ICE1: variants seen among roughly 807,000 people sequenced by gnomAD.
The protein encoded by ICE1 is little elongation complex subunit 1.
In ICE1, 64 loss-of-function variants were observed where a neutral mutation model predicts 192.7. The ratio of observed to expected loss-of-function variants is 0.33; its 90% CI spans 0.27 to 0.41. The LOEUF is 0.41. Ranked by LOEUF, ICE1 falls within the 10% of genes least tolerant of loss-of-function variation. ICE1 has a pLI of 1.00. For missense variants in ICE1, 2,708 were observed against 2,696.0 expected (o/e 1.00, Z -0.10); for synonymous variants, 1,010 against 984.5 (o/e 1.03, Z -0.49).
rs72646685 is a variant in ICE1 at position 5,473,509 on chromosome 5, C to T, written c.6223-49C>T. On this transcript the variant is annotated intron_variant, in intron 15 of 18. Transcript: ENST00000296564. The stretch of plus-strand genomic sequence containing the variant: ...TCTTTTAGATAACTAAGGTAAGATG[C>T]ATTCTATTTGAAACTCCAGATTTTA... 13,224 of 1,470,826 alleles carry T rather than the reference C, an allele frequency of 9.0e-3. 80 individuals carry two copies. The highest frequency in any genetic ancestry group is 0.011 in the Non-Finnish European group (11,582 of 1,076,076). 91.1% of individuals were successfully genotyped at this position (1,470,826 alleles called of 1,614,324 possible).
chr5:5,484,718 A>T (rs1739591836), intron 17 of ICE1, among the ~76,000 whole-genome samples: 1 of 152,224 alleles, frequency 6.6e-6, no homozygotes, highest in Non-Finnish European at 1.5e-5. Flanking sequence ...TGTAGAGGAT[A>T]CAAAGTAATG....
In ICE1 at chr5:5,464,912, A is replaced by G; in HGVS notation, c.5578A>G (p.Arg1860Gly). ...CACTGGGTCCCCAGAACCAGAAACC[A>G]GGGGAGTCACTGCAGAAGGAATCCA... ...LDTGSPEPETRGVTAEGIHKN... is the reference protein window; with the variant it reads ...LDTGSPEPETGGVTAEGIHKN... The change falls in exon 13 of 19, where the codon AGG (arginine) becomes GGG (glycine). Residue 1860 changes from arginine (R) to glycine (G), a missense_variant. Arg to Gly is a moderately radical substitution (Grantham distance 125). Coordinates refer to ENST00000296564, the MANE Select transcript of ICE1 (RefSeq NM_015325.3). This position sits in a 1 kb window ranked among gnomAD's most constrained non-coding sequence, Gnocchi z 4.0. The G allele has an allele frequency of 1.2e-6, 2 of 1,613,490 alleles. No homozygotes were observed. The highest frequency in any genetic ancestry group is 1.1e-5 in the South Asian group (1 of 90,978).
intron 10 of ICE1, among the ~76,000 whole-genome samples, chr5:5,453,462 C>A (rs1289968120): frequency 1.3e-5 from 2 of 152,014 alleles, no homozygotes; most frequent in Non-Finnish European, 2.9e-5. Flanking sequence ...TCTGTGATTC[C>A]CTGAGACATT....
chr5:5,486,884 T>G (rs1362907928), intron 18 of ICE1, 65 bp downstream of exon 18: 4 of 1,207,908 alleles, frequency 3.3e-6, no homozygotes, highest in Non-Finnish European at 3.6e-6. Context: ...AAACCTTTTT[T>G]GGGGTCCTTG....
intron 2 of ICE1, among the ~76,000 whole-genome samples, chr5:5,436,687 G>A (rs770644097): frequency 3.3e-5 from 5 of 152,176 alleles, no homozygotes; most frequent in Non-Finnish European, 7.3e-5. Flanking sequence ...TCGTGGGTTA[G>A]TAGGAAGTTG....
At chr5:5,470,820 C>T (rs754412665) in intron 15 of ICE1, among the ~76,000 whole-genome samples, 30 of 152,112 alleles carry the variant, frequency 2.0e-4, no homozygotes, top group Non-Finnish European at 3.2e-4. Flanking sequence ...CATTCTTAGA[C>T]AATCTGGGAA....
At chr5:5,433,881 C>T (rs905362301) in intron 1 of ICE1, among the ~76,000 whole-genome samples, 6 of 151,746 alleles carry the variant, frequency 4.0e-5, no homozygotes, top group Non-Finnish European at 8.8e-5. Context: ...AAGGGAAAGG[C>T]ATCCTAGTAA....
Position 5,461,157 on chromosome 5 carries a change from C to G in ICE1, c.1823C>G (p.Pro608Arg). The G allele has an allele frequency of 1.2e-6, 2 of 1,614,004 alleles. No individual in the cohort carries two copies. Among genetic ancestry groups the G allele is most frequent in the Non-Finnish European group, 1.7e-6 (2 of 1,179,886 alleles). ...DTQGFTLGESPESEDDDSGDG... is the reference protein window; with the variant it reads ...DTQGFTLGESRESEDDDSGDG... ...CAAGGGTTCACTTTAGGAGAATCACCTGAATCAGAAGATGATGACTCAGGT... is the reference window on the plus strand; with the variant it reads ...CAAGGGTTCACTTTAGGAGAATCACGTGAATCAGAAGATGATGACTCAGGT... The change falls in exon 13 of 19, where the codon CCT becomes CGT. Residue 608 changes from proline (P) to arginine (R), a missense_variant. Around this residue, in one of 2 missense-constraint regions of ICE1, gnomAD observed 2,366 missense variants for 2,276.6 expected, o/e 1.04. Transcript: ENST00000296564.
In ICE1 at chr5:5,462,758, G is replaced by A. The variant is rs755510123; in HGVS notation, c.3424G>A (p.Glu1142Lys). 13 of 1,613,700 alleles carry A rather than the reference G, an allele frequency of 8.1e-6. No individual in the cohort carries two copies. Among genetic ancestry groups the A allele is most frequent in the South Asian group, 2.2e-5 (2 of 91,036 alleles). Residue 1142 changes from glutamate (E) to lysine (K), a missense_variant, in exon 13 of 19, where the codon GAG becomes AAG. Glu to Lys is a moderately conservative substitution (Grantham distance 56, BLOSUM62 1). Around this residue, in one of 2 missense-constraint regions of ICE1, gnomAD observed 2,366 missense variants for 2,276.6 expected, o/e 1.04. Coordinates refer to ENST00000296564, the MANE Select transcript of ICE1 (RefSeq NM_015325.3). Reference protein sequence around the residue: ...NLGDTDAAVAEVRPSLEVGYL... With the variant: ...NLGDTDAAVAKVRPSLEVGYL... ...AGGAGACACAGATGCTGCTGTAGCC[G>A]AGGTGAGACCTTCCTTAGAGGTAGG...
chr5:5,460,585 G>A lies in ICE1; in HGVS notation c.1251G>A (p.Glu417=). The part of the protein sequence containing the change: ...LRKNKGSGTW[E]EKPKSHEAIQ... ...AAAATAAAGGAAGTGGCACATGGGA[G>A]GAAAAGCCCAAATCACATGAAGCTA... Residue 417 remains glutamate, a synonymous_variant, in exon 13 of 19, where the codon GAG becomes GAA. Transcript: ENST00000296564. The A allele has an allele frequency of 6.2e-7, 1 of 1,613,128 alleles. No homozygotes were observed. The highest frequency in any genetic ancestry group is 1.3e-5 in the African/African-American group (1 of 75,020).
intron 5 of ICE1, among the ~76,000 whole-genome samples, chr5:5,442,039 G>T (rs573789690): frequency 6.6e-6 from 1 of 152,188 alleles, no homozygotes; most frequent in Non-Finnish European, 1.5e-5. Flanking sequence ...ATGAAAATAC[G>T]TATGTCTTTT....
At chr5:5,474,018 G>T (rs909464285) in intron 16 of ICE1, among the ~76,000 whole-genome samples, 21 of 152,012 alleles carry the variant, frequency 1.4e-4, no homozygotes, top group Non-Finnish European at 2.8e-4. Context: ...AGACCACCCT[G>T]GCTAACATGA....
In ICE1 at chr5:5,464,208, G is replaced by A. The variant is rs769218768; in HGVS notation, c.4874G>A (p.Arg1625Gln). The A allele has an allele frequency of 9.9e-6, 16 of 1,613,258 alleles. No individual in the cohort carries two copies. Among genetic ancestry groups the A allele is most frequent in the African/African-American group, 9.4e-5 (7 of 74,756 alleles). Reference protein sequence around the residue: ...DCSPDTLSKIRQEVGPPLPPL... With the variant: ...DCSPDTLSKIQQEVGPPLPPL... ...TCTCCTGACACACTGAGTAAAATAC[G>A]GCAAGAGGTGGGGCCTCCTTTGCCG... is the stretch of plus-strand genomic sequence containing the variant. The change falls in exon 13 of 19, where the codon CGG becomes CAG. Residue 1625 changes from arginine to glutamine, a missense_variant. Physicochemically the swap from Arg to Gln is conservative, Grantham distance 43. Around this residue, in one of 2 missense-constraint regions of ICE1, gnomAD observed 2,366 missense variants for 2,276.6 expected, o/e 1.04. Coordinates refer to ENST00000296564, the MANE Select transcript of ICE1 (RefSeq NM_015325.3). The surrounding 1 kb of genome is among the most constrained non-coding windows in gnomAD (Gnocchi z 4.0).
rs1738100023 is a variant in ICE1 at position 5,443,156 on chromosome 5, C to CT, written c.310-5dup. ...CATTTTGACAATATCTGTTTTTTTT[C>CT]TTTTTTTAAAGAGTTCTTTAAAGTT... is the stretch of plus-strand genomic sequence containing the variant. On this transcript the variant is annotated splice_polypyrimidine_tract_variant and intron_variant, in intron 5 of 18. Coordinates refer to ENST00000296564, the MANE Select transcript of ICE1 (RefSeq NM_015325.3). The CT allele has an allele frequency of 3.5e-6, 5 of 1,414,564 alleles. No individual in the cohort carries two copies. The highest frequency in any genetic ancestry group is 4.8e-6 in the Non-Finnish European group (5 of 1,048,146). 87.6% of individuals were successfully genotyped at this position (1,414,564 alleles called of 1,614,324 possible).
At chr5:5,436,911 A>G (rs985164502) in intron 2 of ICE1, among the ~76,000 whole-genome samples, 169 bp from the exon 3 acceptor site, 1 of 152,194 alleles carries the variant, frequency 6.6e-6, no homozygotes, top group African/African-American at 2.4e-5. Flanking sequence ...TTGTATATCA[A>G]CGTGATGCTT....
At chr5:5,459,037 T>C (rs1408430097) in intron 12 of ICE1, among the ~76,000 whole-genome samples, 1 of 152,106 alleles carries the variant, frequency 6.6e-6, no homozygotes. Context: ...CATGCCTGGC[T>C]AATTTTTTTG....
chr5:5,461,620 A>C lies in ICE1; in HGVS notation c.2286A>C (p.Thr762=). Residue 762 remains threonine, a synonymous_variant, in exon 13 of 19, where the codon ACA becomes ACC. Coordinates refer to ENST00000296564, the MANE Select transcript of ICE1 (RefSeq NM_015325.3). ...GTCAAGATCCAAGAATTGAGCTCAC[A>C]CTAAATAAGCCAGATTTCACATCAT... ...CESQDPRIEL[T]LNKPDFTSLI... The C allele has an allele frequency of 6.2e-7, 1 of 1,613,530 alleles. No homozygotes were observed. The highest frequency in any genetic ancestry group is 8.5e-7 in the Non-Finnish European group (1 of 1,179,688).
At position 5,489,145 on chromosome 5, in the gene ICE1, T is replaced by C. The variant is rs74824730; in HGVS notation, c.6620-4T>C. ...TTTATGACTGATCTGAAATTTCTTT[T>C]CAGATATACCATGGGGTATACAGTT... is the stretch of plus-strand genomic sequence containing the variant. On this transcript the variant is annotated splice_polypyrimidine_tract_variant and splice_region_variant and intron_variant, in intron 18 of 18. Coordinates refer to ENST00000296564, the MANE Select transcript of ICE1 (RefSeq NM_015325.3). 1 of 1,608,098 alleles carries C rather than the reference T, an allele frequency of 6.2e-7. No homozygotes were observed. Among genetic ancestry groups the C allele is most frequent in the East Asian group, 2.2e-5 (1 of 44,802 alleles).
At chr5:5,423,230 G>A (rs1264409336) in intron 1 of ICE1, among the ~76,000 whole-genome samples, 1 of 152,160 alleles carries the variant, frequency 6.6e-6, no homozygotes, top group Admixed American at 6.5e-5. Context: ...ACTGGAATGC[G>A]CTGGTGTAAC....
Sources: allele counts gnomAD v4.1 joint callset (sites outside exome capture counted in the v4.1 genomes callset), GRCh38; gene constraint gnomAD v4.1.1; regional missense constraint gnomAD v4.1.1; non-coding constraint Gnocchi (gnomAD v3.1); transcripts MANE v1.5; gene names NCBI Gene and HGNC (gene_info 2026-07-23, HGNC 2026-07-21).